Variants in STAC2 observed in about 807,000 individuals in gnomAD.
STAC2 encodes the protein SH3 and cysteine rich domain 2, also known as SH3 and cysteine-rich domain-containing protein 2.
In STAC2, 36 loss-of-function variants were observed where a neutral mutation model predicts 49.0. That is an observed-to-expected ratio of 0.74 (90% CI 0.56 to 0.97). The LOEUF is 0.97. Ranked by LOEUF, STAC2 falls within the 50% of genes least tolerant of loss-of-function variation. STAC2 has a pLI of 0.00. For synonymous variants in STAC2, 239 were observed against 214.7 expected, an observed-to-expected ratio of 1.11 and a Z score of -0.99; for missense variants, 527 against 543.8, an observed-to-expected ratio of 0.97 and a Z score of 0.31.
In STAC2 at chr17:39,225,651, G is replaced by C; in HGVS notation, c.-149C>G. 1 of 771,968 alleles carries C rather than the reference G, an allele frequency of 1.3e-6. No individual in the cohort carries two copies. Among genetic ancestry groups the C allele is most frequent in the South Asian group, 1.6e-5 (1 of 63,066 alleles). 47.8% of individuals were successfully genotyped at this position (771,968 alleles called of 1,614,324 possible). On this transcript the variant is annotated 5_prime_UTR_variant, in exon 1 of 11. Coordinates refer to ENST00000333461, the MANE Select transcript of STAC2 (RefSeq NM_198993.5). This position sits in a 1 kb window ranked among gnomAD's most constrained non-coding sequence, Gnocchi z 8.2. The stretch of plus-strand genomic sequence containing the variant: ...CCCGGCACGGCAGCCCCCAACCCGC[G>C]GGAGCGGGCAGAGAAAGTTGCCGGG...
At chr17:39,212,481 C>T in intron 10 of STAC2, 85 bp from the exon 11 acceptor site, 1 of 1,018,994 alleles carries the variant, frequency 9.8e-7, no homozygotes, top group Non-Finnish European at 1.5e-6. Flanking sequence ...AGGGGACCCA[C>T]CCTGGGGGAT....
At chr17:39,212,585 G>A (rs73983266) in intron 10 of STAC2, among the ~76,000 whole-genome samples, 189 bp from the exon 11 acceptor site, 13,678 of 152,198 alleles carry the variant, frequency 0.09, 2,047 homozygotes, top group African/African-American at 0.31. Flanking sequence ...AGACCAGCAC[G>A]TCAGCAGACA....
Position 39,215,108 on chromosome 17 carries a change from C to T in STAC2, c.699+10G>A, listed in dbSNP as rs1247198142. The stretch of plus-strand genomic sequence containing the variant: ...CTCCCCAAAAGACCCCCCCTTTTTG[C>T]CCACCATACCAGGCTCCTTGTCGGG... On this transcript the variant is annotated intron_variant, in intron 5 of 10. Transcript: ENST00000333461. 6.2e-7 allele frequency: 1 copy of T among 1,613,800 alleles called. No individual in the cohort carries two copies. The highest frequency in any genetic ancestry group is 1.3e-5 in the African/African-American group (1 of 74,874).
At chr17:39,213,675 T>A in intron 8 of STAC2, 117 bp from the exon 9 acceptor site, 3 of 643,856 alleles carry the variant, frequency 4.7e-6, no homozygotes, top group Non-Finnish European at 7.1e-6. Context: ...GACGATTCTT[T>A]TTTTTTTTTT....
At chr17:39,222,054 G>C (rs1260309436) in intron 1 of STAC2, among the ~76,000 whole-genome samples, 4 of 152,172 alleles carry the variant, frequency 2.6e-5, no homozygotes, top group Non-Finnish European at 4.4e-5. Context: ...CTGCCTCCCT[G>C]GGATTTTCGC....
chr17:39,212,850 G>A, intron 10 of STAC2, 145 bp downstream of exon 10: 1 of 1,364,714 alleles, frequency 7.3e-7, no homozygotes, highest in Non-Finnish European at 9.8e-7. Flanking sequence ...GGAGGGCCCT[G>A]CAACCCTTTC....
At position 39,218,158 on chromosome 17, in the gene STAC2, G is replaced by A. The variant is rs572552839; in HGVS notation, c.106C>T (p.Arg36Cys). The A allele has an allele frequency of 2.1e-5, 34 of 1,613,424 alleles. No homozygotes were observed. Among genetic ancestry groups the A allele is most frequent in the Middle Eastern group, 1.7e-4 (1 of 6,020 alleles). ...LQETKLQRFK[R>C]SLSLKTILRS... ...AGGATGGTCTTGAGGGAGAGGGAGC[G>A]CTTGAATCGCTGGAGCTGGGAGAAA... Residue 36 changes from arginine (R) to cysteine (C), a missense_variant, in exon 2 of 11, where the codon CGC becomes TGC. Physicochemically the swap from Arg to Cys is radical, Grantham distance 180 (BLOSUM62 -3). Transcript: ENST00000333461.
rs149763130 is a variant in STAC2, at chr17:39,220,819, C to T, written c.91-2646G>A. On this transcript the variant is annotated intron_variant, in intron 1 of 10. Transcript: ENST00000333461. ...ACTTATTTATTTATTTATTTTGAGA[C>T]GGAGTTTCACTCTGTCGCCCAGGCT... 2.8e-3 allele frequency among the ~76,000 whole-genome samples: 414 copies of T among 146,182 alleles called. 2 individuals carry two copies. The highest frequency in any genetic ancestry group is 5.5e-3 in the Admixed American group (80 of 14,650).
At chr17:39,214,158 G>GC in intron 8 of STAC2, 75 bp downstream of exon 8, 10 of 1,525,794 alleles carry the variant, frequency 6.6e-6, no homozygotes, top group Non-Finnish European at 9.0e-6. Context: ...GTTCCTGAAG[G>GC]CCCCCCTCAC....
intron 7 of STAC2, 29 bp from the exon 8 acceptor site, chr17:39,214,359 G>A (rs780168929): frequency 8.1e-6 from 13 of 1,613,016 alleles, no homozygotes; most frequent in Admixed American, 3.3e-5. Flanking sequence ...GTCGGTGACC[G>A]GAAAGCAGCA....
rs966405362 is a variant in STAC2, at chr17:39,210,648, G to GA, written c.*1643_*1644insT. The GA allele has an allele frequency of 7.0e-6, 1 of 142,014 alleles. No homozygotes were observed. Among genetic ancestry groups the GA allele is most frequent in the Non-Finnish European group, 1.5e-5 (1 of 66,638 alleles). The allele number at this position is 142,014 out of a possible 1,614,324, so 8.8% of individuals were successfully genotyped here. On this transcript the variant is annotated 3_prime_UTR_variant, in exon 11 of 11. Transcript: ENST00000333461. ...TGGGCCCGCCCCTGGGATATTGCTG[G>GA]GGGGGGGGGCCTCATGGCAGCAAAC...
chr17:39,225,781 G>A lies in STAC2; in HGVS notation c.-279C>T. The A allele has an allele frequency of 2.1e-6, 1 of 465,560 alleles. No homozygotes were observed. Among genetic ancestry groups the A allele is most frequent in the South Asian group, 2.2e-5 (1 of 44,822 alleles). The allele number at this position is 465,560 out of a possible 1,614,324, so 28.8% of individuals were successfully genotyped here. ...GATGCTGCTCGCAGCGCGGGGAGGA[G>A]GGAAGTGGGGCCGCGGGGATGAGCC... On this transcript the variant is annotated 5_prime_UTR_variant, in exon 1 of 11. Coordinates refer to ENST00000333461, the MANE Select transcript of STAC2 (RefSeq NM_198993.5). The surrounding 1 kb of genome is among the most constrained non-coding windows in gnomAD (Gnocchi z 8.2).
chr17:39,213,669 A>AT lies in STAC2; in HGVS notation c.942-112dup, dbSNP rs1185929939. 209 of 491,262 alleles carry AT rather than the reference A, an allele frequency of 4.3e-4. 2 individuals carry two copies. The highest frequency in any genetic ancestry group is 3.6e-3 in the African/African-American group (155 of 43,198). The allele number at this position is 491,262 out of a possible 1,614,324, so 30.4% of individuals were successfully genotyped here. On this transcript the variant is annotated intron_variant, in intron 8 of 10. Transcript: ENST00000333461. The stretch of plus-strand genomic sequence containing the variant: ...CTGCAGTCCTCAGCTGGGAGAGACG[A>AT]TTCTTTTTTTTTTTTTTTTTTTTTT...
At position 39,225,660 on chromosome 17, in the gene STAC2, C is replaced by G. The variant is rs2046507010; in HGVS notation, c.-158G>C. Reference sequence around the variant, plus strand: ...GCAGCCCCCAACCCGCGGGAGCGGGCAGAGAAAGTTGCCGGGGTGGCGGGC... The same window carrying G: ...GCAGCCCCCAACCCGCGGGAGCGGGGAGAGAAAGTTGCCGGGGTGGCGGGC... On this transcript the variant is annotated 5_prime_UTR_variant, in exon 1 of 11. Transcript: ENST00000333461. This position sits in a 1 kb window ranked among gnomAD's most constrained non-coding sequence, Gnocchi z 8.2. 1 of 726,104 alleles carries G rather than the reference C, an allele frequency of 1.4e-6. No homozygotes were observed. Among genetic ancestry groups the G allele is most frequent in the African/African-American group, 1.8e-5 (1 of 54,726 alleles). The allele number at this position is 726,104 out of a possible 1,614,324, so 45.0% of individuals were successfully genotyped here.
chr17:39,218,260 GGCGGCAGCA>G, intron 1 of STAC2, 87 bp from the exon 2 acceptor site: 1 of 1,411,346 alleles, frequency 7.1e-7, no homozygotes, highest in South Asian at 1.2e-5. Context: ...TGGCGGTAGG[GGCGGCAGCA>G]GCAGCAGCAG....
At chr17:39,215,394 C>T (rs1386944985) in intron 4 of STAC2, among the ~76,000 whole-genome samples, 164 bp from the exon 5 acceptor site, 1 of 152,214 alleles carries the variant, frequency 6.6e-6, no homozygotes, top group Admixed American at 6.5e-5. Flanking sequence ...GGTGCCCATG[C>T]AGAAACTTGG....
chr17:39,212,489 G>A, intron 10 of STAC2, 93 bp from the exon 11 acceptor site: 2 of 907,616 alleles, frequency 2.2e-6, no homozygotes, highest in Admixed American at 4.4e-5. Flanking sequence ...CACCCTGGGG[G>A]ATGATGGGAC....
chr17:39,218,266 A>G (rs991027030), intron 1 of STAC2, 93 bp from the exon 2 acceptor site: 26 of 930,914 alleles, frequency 2.8e-5, no homozygotes, highest in East Asian at 1.3e-4. Flanking sequence ...TAGGGGCGGC[A>G]GCAGCAGCAG....
In STAC2 at chr17:39,214,967, C is replaced by T. The variant is rs751321157; in HGVS notation, c.756G>A (p.Glu252=). The change falls in exon 6 of 11, where the codon GAG becomes GAA. Residue 252 remains glutamate (E), a synonymous_variant. Coordinates refer to ENST00000333461, the MANE Select transcript of STAC2 (RefSeq NM_198993.5). ...ACCACTCACCACTGTCACCAGGCCC[C>T]TCCTCAGAGCTGCGGATGCTGCCTT... ...DGEGSIRSSE[E]GPGDSASPVF... is the part of the protein sequence containing the mutation. 6.2e-7 allele frequency: 1 copy of T among 1,614,138 alleles called. No individual in the cohort carries two copies. The highest frequency in any genetic ancestry group is 8.5e-7 in the Non-Finnish European group (1 of 1,180,006).
Sources: allele counts gnomAD v4.1 joint callset (sites outside exome capture counted in the v4.1 genomes callset), GRCh38; gene constraint gnomAD v4.1.1; non-coding constraint Gnocchi (gnomAD v3.1); transcripts MANE v1.5; gene names NCBI Gene and HGNC (gene_info 2026-07-23, HGNC 2026-07-21).